AKAP9: variants seen among roughly 807,000 people sequenced by gnomAD.
AKAP9 encodes A-kinase anchoring protein 9, also known as A-kinase anchor protein 9.
Under a neutral mutation model 488.5 loss-of-function variants are expected in AKAP9, and 311 were observed. The ratio of observed to expected loss-of-function variants is 0.64; its 90% CI spans 0.58 to 0.70. The LOEUF is 0.70. Ranked by LOEUF, AKAP9 falls within the 30% of genes least tolerant of loss-of-function variation. The pLI is 0.00. For missense variants in AKAP9, 4,215 were observed against 4,374.5 expected, an observed-to-expected ratio of 0.96 and a Z score of 1.03; for synonymous variants, 1,462 against 1,483.5, an observed-to-expected ratio of 0.99 and a Z score of 0.33.
intron 14 of AKAP9, 45 bp from the exon 15 acceptor site, chr7:92,029,850 C>T: frequency 6.8e-7 from 1 of 1,481,148 alleles, no homozygotes; most frequent in Non-Finnish European, 9.4e-7. Context: ...AACACTAAAG[C>T]ACATATACAA....
At chr7:92,067,702 G>C (rs1373590248) in intron 26 of AKAP9, among the ~76,000 whole-genome samples, 1 of 152,188 alleles carries the variant, frequency 6.6e-6, no homozygotes, top group East Asian at 1.9e-4. Context: ...AGGATTCACT[G>C]TATGAATACC....
chr7:91,942,719 T>C (rs1412178667), intron 1 of AKAP9, among the ~76,000 whole-genome samples: 2 of 152,250 alleles, frequency 1.3e-5, no homozygotes, highest in Non-Finnish European at 2.9e-5. Context: ...TTTAAATTGC[T>C]TGCAGTTGTA....
At position 92,022,933 on chromosome 7, in the gene AKAP9, G is replaced by GAACAA; in HGVS notation, c.4076_4080dup (p.Tyr1361LysfsTer32). 1 of 1,613,952 alleles carries GAACAA rather than the reference G, an allele frequency of 6.2e-7. No individual in the cohort carries two copies. Among genetic ancestry groups the GAACAA allele is most frequent in the East Asian group, 2.2e-5 (1 of 44,852 alleles). The stretch of plus-strand genomic sequence containing the variant: ...TTTGCAGCAACAGTTGAAAGAAACT[G>GAACAA]AACAAAACTATGAGGCAGAGATCCA... On this transcript the variant is annotated frameshift_variant, in exon 14 of 50. Coordinates refer to ENST00000356239, the MANE Select transcript of AKAP9 (RefSeq NM_005751.5). LOFTEE classifies it high-confidence loss of function.
chr7:92,045,241 A>G (rs760156631), intron 21 of AKAP9, 28 bp downstream of exon 21: 3 of 1,599,864 alleles, frequency 1.9e-6, no homozygotes, highest in South Asian at 1.1e-5. Flanking sequence ...TGTGGAAACA[A>G]TCATTTCAAC....
At chr7:91,979,403 A>G (rs1796111123) in intron 2 of AKAP9, among the ~76,000 whole-genome samples, 1 of 152,078 alleles carries the variant, frequency 6.6e-6, no homozygotes, top group Non-Finnish European at 1.5e-5. Context: ...GTATGGGGGA[A>G]ACTGCTCTCA....
chr7:91,963,640 C>A (rs994907096), intron 1 of AKAP9, among the ~76,000 whole-genome samples: 3 of 152,094 alleles, frequency 2.0e-5, no homozygotes, highest in Non-Finnish European at 4.4e-5. Flanking sequence ...GCCTCAGCCC[C>A]CTGAGTAGCT....
rs1802541980 is a variant in AKAP9, at chr7:92,022,949, C to T, written c.4088C>T (p.Ala1363Val). The T allele has an allele frequency of 1.9e-6, 3 of 1,613,924 alleles. No individual in the cohort carries two copies. The highest frequency in any genetic ancestry group is 4.5e-5 in the East Asian group (2 of 44,858). ...AAAGAAACTGAACAAAACTATGAGG[C>T]AGAGATCCACTGTTTACAGAAGAGG... Reference protein sequence around the residue: ...QLKETEQNYEAEIHCLQKRLQ... With the variant: ...QLKETEQNYEVEIHCLQKRLQ... The change falls in exon 14 of 50, where the codon GCA becomes GTA. Residue 1363 changes from alanine to valine, a missense_variant. Physicochemically the swap from Ala to Val is moderately conservative, Grantham distance 64. Transcript: ENST00000356239.
intron 28 of AKAP9, among the ~76,000 whole-genome samples, chr7:92,075,099 AAT>A (rs1812359636): frequency 6.6e-6 from 1 of 152,058 alleles, no homozygotes; most frequent in Non-Finnish European, 1.5e-5. Context: ...TTAAAAAAAA[AAT>A]AAAACACAAG....
At chr7:92,023,859 TTTAGGGAC>T (rs1166751949) in intron 14 of AKAP9, among the ~76,000 whole-genome samples, 1 of 152,086 alleles carries the variant, frequency 6.6e-6, no homozygotes, top group Non-Finnish European at 1.5e-5. Flanking sequence ...ATGCTTCTGC[TTTAGGGAC>T]TTCTCATTGG....
intron 38 of AKAP9, among the ~76,000 whole-genome samples, chr7:92,091,832 T>G (rs1169748968): frequency 2.0e-5 from 3 of 152,196 alleles, no homozygotes; most frequent in Non-Finnish European, 4.4e-5. Context: ...ATCCTTAACC[T>G]CTAAAGTTTT....
chr7:91,983,775 T>A (rs111314778), intron 3 of AKAP9, among the ~76,000 whole-genome samples: 3 of 152,352 alleles, frequency 2.0e-5, no homozygotes, highest in African/African-American at 7.2e-5. Flanking sequence ...CCGTTCTTAT[T>A]TCTCCACATC....
chr7:92,053,799 T>G (rs1808358645), intron 22 of AKAP9, among the ~76,000 whole-genome samples: 1 of 152,152 alleles, frequency 6.6e-6, no homozygotes, highest in Non-Finnish European at 1.5e-5. Context: ...CATCACCTGG[T>G]GATGTGTTCA....
Position 91,940,900 on chromosome 7 carries a change from G to A in AKAP9, c.-200G>A, listed in dbSNP as rs1790658441. On this transcript the variant is annotated 5_prime_UTR_variant, in exon 1 of 50. The change creates a new upstream start codon in the 5' untranslated region. Coordinates refer to ENST00000356239, the MANE Select transcript of AKAP9 (RefSeq NM_005751.5). ...GACGAAGATGGCGGCGGCGGCGGCG[G>A]TGACGGCGCTTCCCGTGCGGCTGAG... 3.2e-6 allele frequency: 2 copies of A among 625,722 alleles called. No homozygotes were observed. The highest frequency in any genetic ancestry group is 2.7e-5 in the Admixed American group (1 of 37,066). The allele number at this position is 625,722 out of a possible 1,614,324, so 38.8% of individuals were successfully genotyped here. A position where few individuals can be genotyped will look rare whatever the true frequency, so the allele number is the denominator to read the frequency against.
At chr7:92,101,926 G>GCC (rs906423138) in intron 45 of AKAP9, among the ~76,000 whole-genome samples, 4 of 152,088 alleles carry the variant, frequency 2.6e-5, no homozygotes, top group Non-Finnish European at 5.9e-5. Context: ...GGAGGCCAAG[G>GCC]TGGGTGGATC....
chr7:92,079,276 AGACAGTTTAAAACATCAATT>A lies in AKAP9; in HGVS notation c.7145_7164del (p.Asp2382GlyfsTer6). ...ATGCTCATTCCCTCTCAGAAGAAGC[AGACAGTTTAAAACATCAATT>A]GGATGTGGTTATAGCTGAAAAGCTG... On this transcript the variant is annotated frameshift_variant, in exon 31 of 50. Transcript: ENST00000356239. LOFTEE classifies it high-confidence loss of function. The A allele has an allele frequency of 6.2e-7, 1 of 1,614,120 alleles. No individual in the cohort carries two copies. Among genetic ancestry groups the A allele is most frequent in the Non-Finnish European group, 8.5e-7 (1 of 1,179,998 alleles).
In AKAP9 at chr7:91,941,008, C is replaced by A. The variant is rs191708356; in HGVS notation, c.-92C>A. Reference sequence around the variant, plus strand: ...CGAATCGGCTCTCTAGGCCGTGGAGCTTGCCGTCCCACCTCCGTCCAAATC... The same window carrying A: ...CGAATCGGCTCTCTAGGCCGTGGAGATTGCCGTCCCACCTCCGTCCAAATC... On this transcript the variant is annotated 5_prime_UTR_variant, in exon 1 of 50. Coordinates refer to ENST00000356239, the MANE Select transcript of AKAP9 (RefSeq NM_005751.5). The A allele has an allele frequency of 1.6e-5, 21 of 1,325,606 alleles. No homozygotes were observed. The African/African-American group carries it at 2.9e-4, about 18-fold the overall frequency. The allele number at this position is 1,325,606 out of a possible 1,614,324, so 82.1% of individuals were successfully genotyped here.
At chr7:91,943,609 T>C (rs948490231) in intron 1 of AKAP9, among the ~76,000 whole-genome samples, 3 of 152,222 alleles carry the variant, frequency 2.0e-5, no homozygotes, top group Non-Finnish European at 4.4e-5. Flanking sequence ...TAAAGTGTTT[T>C]AAATACTACT....
intron 45 of AKAP9, among the ~76,000 whole-genome samples, chr7:92,101,687 G>A (rs1817544532): frequency 6.6e-6 from 1 of 152,150 alleles, no homozygotes; most frequent in Non-Finnish European, 1.5e-5. Context: ...GTCAATGTAA[G>A]AACATCATAC....
At chr7:92,064,872 C>T (rs979056749) in intron 24 of AKAP9, among the ~76,000 whole-genome samples, 5 of 151,754 alleles carry the variant, frequency 3.3e-5, no homozygotes, top group South Asian at 4.1e-4. Flanking sequence ...GTGAAGAAAA[C>T]GGTGAGTTTT....
Sources: allele counts gnomAD v4.1 joint callset (sites outside exome capture counted in the v4.1 genomes callset), GRCh38; gene constraint gnomAD v4.1.1; transcripts MANE v1.5; gene names NCBI Gene and HGNC (gene_info 2026-07-23, HGNC 2026-07-21).